CHST11: variants seen among roughly 807,000 people sequenced by gnomAD.
The protein encoded by CHST11 is carbohydrate sulfotransferase 11, also known as C4S-1.
A neutral mutation model predicts 30.4 loss-of-function variants in CHST11; 9 were observed. The ratio of observed to expected loss-of-function variants is 0.30; its 90% CI spans 0.18 to 0.52. The LOEUF (loss-of-function observed/expected upper bound fraction) is 0.52. CHST11 is among the 20% of genes least tolerant of loss of function. CHST11 has a pLI of 0.97. For synonymous variants in CHST11, 152 were observed against 187.8 expected (o/e 0.81, Z 1.56); for missense variants, 348 against 460.6 (o/e 0.76, Z 2.24).
chr12:104,580,948 G>A (rs536636513), intron 1 of CHST11, among the ~76,000 whole-genome samples: 6 of 152,252 alleles, frequency 3.9e-5, no homozygotes, highest in East Asian at 1.9e-4. Flanking sequence ...TACACTCATC[G>A]TGAAAAGCAA....
chr12:104,545,591 A>G (rs2038339029), intron 1 of CHST11, among the ~76,000 whole-genome samples: 1 of 152,256 alleles, frequency 6.6e-6, no homozygotes, highest in Non-Finnish European at 1.5e-5. Context: ...ACCAGGTTCC[A>G]TAAAGATGAT....
At chr12:104,630,319 G>A (rs1294104010) in intron 2 of CHST11, among the ~76,000 whole-genome samples, 1 of 152,196 alleles carries the variant, frequency 6.6e-6, no homozygotes, top group East Asian at 1.9e-4. Context: ...GTGTGCCGCT[G>A]TCTGTAGAGT....
chr12:104,473,950 A>G (rs1431539284), intron 1 of CHST11, among the ~76,000 whole-genome samples: 1 of 152,158 alleles, frequency 6.6e-6, no homozygotes, highest in Non-Finnish European at 1.5e-5. Flanking sequence ...CGCGACCACT[A>G]CAACCACGAC....
intron 2 of CHST11, among the ~76,000 whole-genome samples, chr12:104,741,849 AG>A (rs2040349814): frequency 6.6e-6 from 1 of 152,222 alleles, no homozygotes; most frequent in Non-Finnish European, 1.5e-5. Flanking sequence ...GATCAAGAGC[AG>A]GTTCCCAGGA....
intron 1 of CHST11, among the ~76,000 whole-genome samples, chr12:104,581,006 G>A (rs573370770): frequency 6.6e-6 from 1 of 152,326 alleles, no homozygotes; most frequent in South Asian, 2.1e-4. Flanking sequence ...CAAAGTGAAA[G>A]GCAAAAATCT....
At chr12:104,508,525 A>G (rs1430558477) in intron 1 of CHST11, among the ~76,000 whole-genome samples, 1 of 152,210 alleles carries the variant, frequency 6.6e-6, no homozygotes, top group Non-Finnish European at 1.5e-5. Context: ...ATCATATCCA[A>G]TAACTGGGAA....
chr12:104,460,527 G>C (rs1019307912), intron 1 of CHST11, among the ~76,000 whole-genome samples: 11 of 152,044 alleles, frequency 7.2e-5, no homozygotes, highest in African/African-American at 2.7e-4. Context: ...AGCTGGGTGT[G>C]GTGGCACACG....
chr12:104,569,010 A>G (rs1391760137), intron 1 of CHST11, among the ~76,000 whole-genome samples: 2 of 152,154 alleles, frequency 1.3e-5, no homozygotes, highest in African/African-American at 2.4e-5. Flanking sequence ...GCTCTCATGT[A>G]TTAGCTCATT....
intron 1 of CHST11, among the ~76,000 whole-genome samples, chr12:104,550,469 A>G (rs943813960): frequency 4.7e-5 from 7 of 147,662 alleles, no homozygotes; most frequent in Non-Finnish European, 1.0e-4. Context: ...TTTGCAGACC[A>G]TACAGTCTGT....
intron 2 of CHST11, among the ~76,000 whole-genome samples, chr12:104,754,540 G>A (rs1206189061): frequency 2.0e-5 from 3 of 152,220 alleles, no homozygotes; most frequent in African/African-American, 4.8e-5. Context: ...GCTAGGAACT[G>A]CAGGGCTTCC....
chr12:104,722,440 A>G (rs1438964578), intron 2 of CHST11, among the ~76,000 whole-genome samples: 2 of 152,148 alleles, frequency 1.3e-5, no homozygotes, highest in East Asian at 1.9e-4. Context: ...GGTTTTTAGT[A>G]TATTTTGTAT....
intron 1 of CHST11, among the ~76,000 whole-genome samples, chr12:104,497,844 G>A (rs1294575976): frequency 6.6e-6 from 1 of 151,190 alleles, no homozygotes; most frequent in East Asian, 1.9e-4. Flanking sequence ...GCAGACAGGT[G>A]CATATGGGGC....
At chr12:104,547,889 C>A (rs2038366431) in intron 1 of CHST11, among the ~76,000 whole-genome samples, 1 of 151,966 alleles carries the variant, frequency 6.6e-6, no homozygotes, top group South Asian at 2.1e-4. Context: ...AGTCTTGATC[C>A]CCAGAAGTGT....
intron 1 of CHST11, among the ~76,000 whole-genome samples, chr12:104,574,010 A>T (rs1244666779): frequency 6.6e-6 from 1 of 152,266 alleles, no homozygotes; most frequent in Non-Finnish European, 1.5e-5. Context: ...AAACGAATTT[A>T]CAAGAAAAAA....
chr12:104,662,839 TC>T (rs2039609352), intron 2 of CHST11, among the ~76,000 whole-genome samples: 1 of 152,232 alleles, frequency 6.6e-6, no homozygotes, highest in African/African-American at 2.4e-5. Flanking sequence ...TTTTATAGCT[TC>T]TTATTTTAAT....
intron 2 of CHST11, among the ~76,000 whole-genome samples, chr12:104,748,554 G>T (rs2040406138): frequency 6.6e-6 from 1 of 151,718 alleles, no homozygotes; most frequent in Admixed American, 6.6e-5. Context: ...GGAGGGGGGA[G>T]GGGGGAGATT....
At chr12:104,531,477 A>AG (rs2038183482) in intron 1 of CHST11, among the ~76,000 whole-genome samples, 1 of 123,164 alleles carries the variant, frequency 8.1e-6, no homozygotes, top group Admixed American at 9.1e-5. Context: ...AAAAAAAAAA[A>AG]AAAGAGAGAG....
At position 104,721,030 on chromosome 12, in the gene CHST11, T is replaced by C. The variant is rs78811787; in HGVS notation, c.205-35919T>C. On this transcript the variant is annotated intron_variant, in intron 2 of 2. Coordinates refer to ENST00000303694, the MANE Select transcript of CHST11 (RefSeq NM_018413.6). ...TCCTCGGCTAAGCTGGCTTCCTTGG[T>C]TTTTCTAAAGGAAGACTCATGACTT... Among the ~76,000 whole-genome samples, 700 of 152,170 alleles carry C rather than the reference T, an allele frequency of 4.6e-3. 3 individuals are homozygous for C. Among genetic ancestry groups the C allele is most frequent in the African/African-American group, 0.016 (679 of 41,502 alleles).
intron 1 of CHST11, among the ~76,000 whole-genome samples, chr12:104,475,666 A>ATATATATATATATATG (rs2037550972): frequency 2.9e-5 from 2 of 68,242 alleles, no homozygotes; most frequent in African/African-American, 1.3e-4. Context: ...CATTATATAT[A>ATATATATATATATATG]TATATATATA....
Sources: gnomAD v4.1 joint callset for allele counts (sites outside exome capture counted in the v4.1 genomes callset) on GRCh38, gnomAD v4.1.1 for gene constraint, MANE v1.5 for transcripts, NCBI Gene and HGNC (gene_info 2026-07-23, HGNC 2026-07-21) for gene names.